DNAI1: variants seen among roughly 807,000 people sequenced by gnomAD.
The protein encoded by DNAI1 is dynein, axonemal, intermediate polypeptide 1.
In DNAI1, 67 loss-of-function variants were observed where a neutral mutation model predicts 92.0. The ratio of observed to expected loss-of-function variants is 0.73; its 90% CI spans 0.60 to 0.89. The LOEUF (loss-of-function observed/expected upper bound fraction) is 0.89, where lower values mean the gene tolerates loss of function less well. Among genes scored for constraint, DNAI1 ranks in the 40% least tolerant of loss-of-function variants. The probability of loss-of-function intolerance (pLI) is 0.00; values close to 1 mark genes in which losing one functional copy is unlikely to be tolerated. For synonymous variants in DNAI1, 323 were observed against 319.6 expected, an observed-to-expected ratio of 1.01 and a Z score of -0.11; for missense variants, 839 against 866.6, an observed-to-expected ratio of 0.97 and a Z score of 0.40.
intron 16 of DNAI1, among the ~76,000 whole-genome samples, chr9:34,513,567 A>C (rs1293220958): frequency 2.0e-5 from 3 of 152,216 alleles, no homozygotes; most frequent in Admixed American, 6.5e-5. Context: ...AATACTGGGT[A>C]CATCCCAGCC....
chr9:34,468,182 G>A (rs1037520474), intron 1 of DNAI1, among the ~76,000 whole-genome samples: 1 of 144,912 alleles, frequency 6.9e-6, no homozygotes, highest in Non-Finnish European at 1.5e-5. Context: ...CAGAGAGGAA[G>A]AAGGCTTTTT....
intron 13 of DNAI1, among the ~76,000 whole-genome samples, chr9:34,511,189 C>T (rs1825058663): frequency 6.6e-6 from 1 of 152,234 alleles, no homozygotes. Flanking sequence ...CAGCCCCACC[C>T]CAGCTCTCTG....
At chr9:34,476,972 G>A (rs1327972862) in intron 1 of DNAI1, among the ~76,000 whole-genome samples, 1 of 152,132 alleles carries the variant, frequency 6.6e-6, no homozygotes, top group Non-Finnish European at 1.5e-5. Context: ...AGGGGCTTGG[G>A]CTTCATCTCA....
At chr9:34,474,617 G>T (rs1824206017) in intron 1 of DNAI1, among the ~76,000 whole-genome samples, 1 of 137,142 alleles carries the variant, frequency 7.3e-6, no homozygotes, top group Non-Finnish European at 1.5e-5. Flanking sequence ...CACCCAGGCT[G>T]GAGTACAGTG....
At chr9:34,517,263 G>A (rs1825186852) in intron 18 of DNAI1, 22 bp from the exon 19 acceptor site, 2 of 1,611,440 alleles carry the variant, frequency 1.2e-6, no homozygotes, top group South Asian at 1.1e-5. Context: ...CCCTGAGTGT[G>A]CTGACACCGA....
chr9:34,502,044 T>C (rs1384187992), intron 12 of DNAI1, among the ~76,000 whole-genome samples: 1 of 152,194 alleles, frequency 6.6e-6, no homozygotes, highest in Non-Finnish European at 1.5e-5. Context: ...GCTGGGAGGA[T>C]CAGCTTCTGC....
At position 34,512,432 on chromosome 9, in the gene DNAI1, C is replaced by A. The variant is rs547508610; in HGVS notation, c.1489+8C>A. 5.6e-6 allele frequency: 9 copies of A among 1,613,740 alleles called. No individual in the cohort carries two copies. The highest frequency in any genetic ancestry group is 3.3e-5 in the Admixed American group (2 of 60,010). ...TGCAGCTGCACCCAGTGGGTAGGAG[C>A]CCCAGCCCTCTCACCTCCAGGCCTG... On this transcript the variant is annotated splice_region_variant and intron_variant, in intron 15 of 19. Coordinates refer to ENST00000242317, the MANE Select transcript of DNAI1 (RefSeq NM_012144.4).
At chr9:34,500,529 T>G (rs922657777) in intron 10 of DNAI1, among the ~76,000 whole-genome samples, 193 bp from the exon 11 acceptor site, 7 of 152,190 alleles carry the variant, frequency 4.6e-5, no homozygotes, top group Non-Finnish European at 1.0e-4. Context: ...CCAGGCATTT[T>G]TCTAAGCTCT....
intron 3 of DNAI1, 31 bp from the exon 4 acceptor site, chr9:34,485,406 G>T (rs781077267): frequency 6.2e-7 from 1 of 1,609,814 alleles, no homozygotes; most frequent in Non-Finnish European, 8.5e-7. Flanking sequence ...GGGTCTTCAT[G>T]TATGACCCTC....
chr9:34,459,011 T>G lies in DNAI1; in HGVS notation c.6T>G (p.Ile2Met). 1 of 1,614,216 alleles carries G rather than the reference T, an allele frequency of 6.2e-7. No homozygotes were observed. The highest frequency in any genetic ancestry group is 1.7e-4 in the Middle Eastern group (1 of 6,060). The change falls in exon 1 of 20, where the codon ATT becomes ATG. Residue 2 changes from isoleucine to methionine, a missense_variant. Physicochemically the swap from Ile to Met is conservative, Grantham distance 10. Coordinates refer to ENST00000242317, the MANE Select transcript of DNAI1 (RefSeq NM_012144.4). Reference sequence around the variant, plus strand: ...TAGGCTCTCCAGGGGTTGAGATGATTCCTGCTTCTGCGAAGGCTCCCCATA... The same window carrying G: ...TAGGCTCTCCAGGGGTTGAGATGATGCCTGCTTCTGCGAAGGCTCCCCATA... M[I>M]PASAKAPHKQ... is the part of the protein sequence containing the mutation.
At chr9:34,473,730 T>C (rs961338432) in intron 1 of DNAI1, among the ~76,000 whole-genome samples, 35 of 152,154 alleles carry the variant, frequency 2.3e-4, no homozygotes, top group Non-Finnish European at 5.0e-4. Flanking sequence ...GTGGGTTAGT[T>C]GGTTGGTTGG....
chr9:34,481,708 C>T (rs1474308153), intron 1 of DNAI1, among the ~76,000 whole-genome samples: 2 of 152,140 alleles, frequency 1.3e-5, no homozygotes, highest in African/African-American at 2.4e-5. Flanking sequence ...GTGAGTGTTA[C>T]AGCTCTTAAG....
intron 1 of DNAI1, among the ~76,000 whole-genome samples, chr9:34,468,825 C>CAA (rs200911728): frequency 5.3e-5 from 7 of 131,506 alleles, no homozygotes; most frequent in Admixed American, 1.5e-4. Context: ...GACCCTGTCT[C>CAA]AAAAAAAAAA....
chr9:34,493,929 G>A (rs2132066052), intron 9 of DNAI1, among the ~76,000 whole-genome samples: 1 of 152,274 alleles, frequency 6.6e-6, no homozygotes, highest in African/African-American at 2.4e-5. Flanking sequence ...GCCAGCACAG[G>A]TTTGGGGAAT....
intron 4 of DNAI1, 77 bp downstream of exon 4, chr9:34,485,594 C>T: frequency 2.2e-6 from 3 of 1,388,256 alleles, no homozygotes; most frequent in South Asian, 2.4e-5. Context: ...ATTGCAAAAG[C>T]CTCTCAGTAA....
intron 1 of DNAI1, among the ~76,000 whole-genome samples, chr9:34,482,520 C>T (rs1824380165): frequency 6.8e-6 from 1 of 147,686 alleles, no homozygotes; most frequent in Admixed American, 6.8e-5. Flanking sequence ...TATTTACAAT[C>T]CTTGAGCTAG....
intron 8 of DNAI1, among the ~76,000 whole-genome samples, chr9:34,492,508 A>ATATATATATC (rs1225066914): frequency 1.9e-4 from 12 of 62,064 alleles, no homozygotes; most frequent in Non-Finnish European, 3.6e-4. Context: ...ATATATATAT[A>ATATATATATC]TATATATATA....
chr9:34,468,495 G>C (rs1468153334), intron 1 of DNAI1, among the ~76,000 whole-genome samples: 1 of 117,074 alleles, frequency 8.5e-6, no homozygotes, highest in African/African-American at 2.6e-5. Flanking sequence ...GGCCAAGAAG[G>C]TTTTGTTTTG....
intron 4 of DNAI1, among the ~76,000 whole-genome samples, chr9:34,487,534 C>T (rs1824498089): frequency 1.3e-5 from 2 of 152,116 alleles, no homozygotes; most frequent in South Asian, 2.1e-4. Flanking sequence ...CGAATGGCTT[C>T]CCTTGGGAAG....
Sources: allele counts gnomAD v4.1 joint callset (sites outside exome capture counted in the v4.1 genomes callset), GRCh38; gene constraint gnomAD v4.1.1; transcripts MANE v1.5; gene names NCBI Gene and HGNC (gene_info 2026-07-23, HGNC 2026-07-21).